The following SPIDR variants were observed in gnomAD, a reference collection of about 807,000 sequenced individuals.
SPIDR encodes DNA repair-scaffolding protein.
A neutral mutation model predicts 104.6 loss-of-function variants in SPIDR; 93 were observed. The ratio of observed to expected loss-of-function variants is 0.89; its 90% confidence interval spans 0.75 to 1.06. The LOEUF is 1.06. SPIDR is among the 50% of genes least tolerant of loss of function. The pLI is 0.00. For synonymous variants in SPIDR, 431 were observed against 416.9 expected (o/e 1.03, Z -0.41); for missense variants, 1,154 against 1,111.2 (o/e 1.04, Z -0.55).
Position 47,469,522 on chromosome 8 carries a change from C to A in SPIDR, c.1097+28980C>A, listed in dbSNP as rs1211431722. On this transcript the variant is annotated intron_variant, in intron 8 of 19. Transcript: ENST00000297423. ...AAGAAAATGTGGTGTGTATATACTA[C>A]AGAATACCATGCAGCCATAAAAAAA... Among the ~76,000 whole-genome samples the A allele has an allele frequency of 2.0e-5, 3 of 151,618 alleles. No individual in the cohort carries two copies. The East Asian group carries it at 5.8e-4, about 29-fold the overall frequency.
intron 8 of SPIDR, among the ~76,000 whole-genome samples, chr8:47,515,786 G>A (rs1481690247): frequency 6.6e-6 from 1 of 152,188 alleles, no homozygotes; most frequent in Non-Finnish European, 1.5e-5. Context: ...AAGCTTTTGT[G>A]TGTATACACA....
chr8:47,410,728 A>C (rs2063396622), intron 7 of SPIDR, among the ~76,000 whole-genome samples: 1 of 152,074 alleles, frequency 6.6e-6, no homozygotes, highest in South Asian at 2.1e-4. Flanking sequence ...TTACATATGT[A>C]TATATGTGCC....
At chr8:47,632,095 G>A (rs943548285) in intron 10 of SPIDR, among the ~76,000 whole-genome samples, 9 of 152,128 alleles carry the variant, frequency 5.9e-5, no homozygotes, top group Non-Finnish European at 7.4e-5. Flanking sequence ...TAGAGAAATG[G>A]CAGGGGGAAG....
At chr8:47,518,186 G>C (rs1279813801) in intron 8 of SPIDR, among the ~76,000 whole-genome samples, 1 of 152,208 alleles carries the variant, frequency 6.6e-6, no homozygotes, top group Non-Finnish European at 1.5e-5. Context: ...CAGCAGCCAG[G>C]CACTTTGTTA....
chr8:47,396,599 A>G lies in SPIDR; in HGVS notation c.749A>G (p.Glu250Gly), dbSNP rs1179973862. The G allele has an allele frequency of 6.2e-7, 1 of 1,613,348 alleles. No homozygotes were observed. The highest frequency in any genetic ancestry group is 8.5e-7 in the Non-Finnish European group (1 of 1,179,800). The part of the protein sequence containing the change: ...KPTAKFPRTP[E>G]NSAKKKLLRG... Reference sequence around the variant, plus strand: ...ACAGCTAAGTTTCCCAGGACTCCAGAAAATTCAGCAAAGAAGAAGCTTTTA... The same window carrying G: ...ACAGCTAAGTTTCCCAGGACTCCAGGAAATTCAGCAAAGAAGAAGCTTTTA... Residue 250 changes from glutamate (E) to glycine (G), a missense_variant, in exon 6 of 20, where the codon GAA becomes GGA. Transcript: ENST00000297423.
intron 10 of SPIDR, among the ~76,000 whole-genome samples, chr8:47,670,097 G>A (rs1031920347): frequency 6.6e-6 from 1 of 152,122 alleles, no homozygotes; most frequent in Non-Finnish European, 1.5e-5. Context: ...ATGTGGAGGG[G>A]TAGGGGCCAC....
intron 10 of SPIDR, among the ~76,000 whole-genome samples, chr8:47,622,655 AG>A (rs1230530517): frequency 2.0e-5 from 3 of 152,182 alleles, no homozygotes; most frequent in Non-Finnish European, 4.4e-5. Flanking sequence ...TTAATGTCCC[AG>A]GCACAGCATC....
chr8:47,383,996 A>G (rs1490487499), intron 5 of SPIDR, among the ~76,000 whole-genome samples: 3 of 152,118 alleles, frequency 2.0e-5, no homozygotes, highest in Non-Finnish European at 2.9e-5. Context: ...TCATGTTTTG[A>G]TATATGGTAT....
chr8:47,429,584 A>G (rs1317735088), intron 7 of SPIDR, among the ~76,000 whole-genome samples: 2 of 152,214 alleles, frequency 1.3e-5, no homozygotes, highest in Non-Finnish European at 2.9e-5. Context: ...TCCCTGAGCC[A>G]TGCCCAGTAA....
At chr8:47,695,390 T>C (rs750116639) in intron 11 of SPIDR, among the ~76,000 whole-genome samples, 4 of 151,760 alleles carry the variant, frequency 2.6e-5, no homozygotes, top group Non-Finnish European at 4.4e-5. Flanking sequence ...AAAAAAAAAA[T>C]GATTCCAAGC....
intron 5 of SPIDR, among the ~76,000 whole-genome samples, chr8:47,297,662 C>G (rs991377527): frequency 6.6e-6 from 1 of 151,918 alleles, no homozygotes; most frequent in Admixed American, 6.6e-5. Context: ...CTGTGTCCAT[C>G]TGTTCTCATT....
intron 10 of SPIDR, among the ~76,000 whole-genome samples, chr8:47,658,071 A>AT (rs2073246567): frequency 1.3e-5 from 2 of 151,118 alleles, no homozygotes; most frequent in South Asian, 4.2e-4. Flanking sequence ...AGAAAAAAAA[A>AT]GGCAAAAGAG....
At chr8:47,659,726 TTCTC>T in intron 10 of SPIDR, 5 of 985,326 alleles carry the variant, frequency 5.1e-6, no homozygotes, top group African/African-American at 1.7e-5. Flanking sequence ...CTCCCTTTTT[TTCTC>T]TCTCTCTTCT....
intron 8 of SPIDR, among the ~76,000 whole-genome samples, chr8:47,443,035 C>T (rs2069754050): frequency 6.6e-6 from 1 of 152,058 alleles, no homozygotes; most frequent in African/African-American, 2.4e-5. Context: ...AAATGTAGGA[C>T]ATTTTCTTGG....
intron 9 of SPIDR, among the ~76,000 whole-genome samples, chr8:47,597,599 T>C (rs1405932286): frequency 1.3e-5 from 2 of 152,262 alleles, no homozygotes; most frequent in Non-Finnish European, 2.9e-5. Flanking sequence ...GTTCATTTTC[T>C]CTATTCTTGT....
At chr8:47,313,972 C>G (rs992199893) in intron 5 of SPIDR, among the ~76,000 whole-genome samples, 1 of 152,174 alleles carries the variant, frequency 6.6e-6, no homozygotes, top group Non-Finnish European at 1.5e-5. Flanking sequence ...GTGTTACCAG[C>G]TGAAACTCAG....
Position 47,713,653 on chromosome 8 carries a change from TCTCACA to T in SPIDR, c.2341+13_2341+18del. 3 of 1,613,760 alleles carry T rather than the reference TCTCACA, an allele frequency of 1.9e-6. No homozygotes were observed. In the South Asian group the frequency reaches 3.3e-5, roughly 18 times the overall value. ...CTGCAGTGTTCAAGGTAGGCAGCCA[TCTCACA>T]GGAATTGGTGCTTATACTTTCTTAA... is the stretch of plus-strand genomic sequence containing the variant. On this transcript the variant is annotated intron_variant, in intron 16 of 19. Coordinates refer to ENST00000297423, the MANE Select transcript of SPIDR (RefSeq NM_001080394.4).
intron 5 of SPIDR, among the ~76,000 whole-genome samples, chr8:47,358,998 G>T (rs78607938): frequency 0.011 from 1,623 of 152,154 alleles, 16 homozygotes; most frequent in South Asian, 0.023. Flanking sequence ...TTCATGTTAA[G>T]ACACTAACTC....
chr8:47,613,614 A>C (rs1460147129), intron 10 of SPIDR, among the ~76,000 whole-genome samples: 2 of 152,136 alleles, frequency 1.3e-5, no homozygotes, highest in African/African-American at 4.8e-5. Flanking sequence ...AATTTTCACC[A>C]GTGGTGCAAT....
Sources: allele counts gnomAD v4.1 joint callset (sites outside exome capture counted in the v4.1 genomes callset), GRCh38; gene constraint gnomAD v4.1.1; transcripts MANE v1.5; gene names NCBI Gene and HGNC (gene_info 2026-07-23, HGNC 2026-07-21).